The following EML4 variants were observed in gnomAD, a reference collection of about 807,000 sequenced individuals.
The protein encoded by EML4 is EMAP like 4.
EML4 carries 72 observed loss-of-function variants against 129.0 expected under a neutral mutation model. The observed-to-expected ratio is 0.56, with a 90% CI of 0.46 to 0.68. The LOEUF (loss-of-function observed/expected upper bound fraction) is 0.68. Among genes scored for constraint, EML4 ranks in the 30% least tolerant of loss-of-function variants. The pLI is 0.00. For synonymous variants in EML4, 532 were observed against 405.0 expected, an observed-to-expected ratio of 1.31 and a Z score of -3.77; for missense variants, 1,363 against 1,190.6, an observed-to-expected ratio of 1.14 and a Z score of -2.13.
At chr2:42,280,701 C>T (rs1447148539) in intron 6 of EML4, 149 bp from the exon 7 acceptor site, 3 of 609,706 alleles carry the variant, frequency 4.9e-6, no homozygotes, top group Non-Finnish European at 8.3e-6. Context: ...TACAGGACAA[C>T]TATATAACAA....
At chr2:42,203,001 C>A (rs1484615336) in intron 1 of EML4, among the ~76,000 whole-genome samples, 2 of 152,084 alleles carry the variant, frequency 1.3e-5, no homozygotes, top group Non-Finnish European at 2.9e-5. Context: ...GTACTCCAGC[C>A]TGGGTGACAA....
intron 21 of EML4, among the ~76,000 whole-genome samples, chr2:42,327,770 A>G (rs72972066): frequency 0.012 from 1,823 of 152,358 alleles, 44 homozygotes; most frequent in African/African-American, 0.041. Flanking sequence ...TGTTATGCTC[A>G]GGTAATTAAA....
At chr2:42,240,908 A>G (rs1351134393) in intron 1 of EML4, among the ~76,000 whole-genome samples, 1 of 152,170 alleles carries the variant, frequency 6.6e-6, no homozygotes, top group African/African-American at 2.4e-5. Context: ...TGGGAGGCCA[A>G]GGCAGGCAGA....
At chr2:42,245,085 A>ATTTTT (rs1409245105) in intron 1 of EML4, among the ~76,000 whole-genome samples, 1 of 42,146 alleles carries the variant, frequency 2.4e-5, no homozygotes, top group Non-Finnish European at 4.3e-5. Context: ...TTGTTTTGAA[A>ATTTTT]TTTTCTTTCT....
chr2:42,179,131 A>G (rs945051757), intron 1 of EML4, among the ~76,000 whole-genome samples: 2 of 152,330 alleles, frequency 1.3e-5, no homozygotes, highest in South Asian at 2.1e-4. Context: ...GTGTCTCTGC[A>G]TGTGATACCC....
chr2:42,265,320 G>C (rs1044719428), intron 6 of EML4, among the ~76,000 whole-genome samples: 4 of 152,210 alleles, frequency 2.6e-5, no homozygotes, highest in South Asian at 2.1e-4. Context: ...GGCCGGGCTG[G>C]CTGCAAACTC....
chr2:42,278,850 C>T (rs1044000383), intron 6 of EML4, among the ~76,000 whole-genome samples: 1 of 151,938 alleles, frequency 6.6e-6, no homozygotes, highest in Admixed American at 6.6e-5. Flanking sequence ...GCAGGAGAAT[C>T]ACTTGAACCC....
Position 42,256,544 on chromosome 2 carries a change from C to T in EML4, c.252C>T (p.Thr84=), listed in dbSNP as rs751385923. The change falls in exon 3 of 23, where the codon ACC becomes ACT. Residue 84 remains threonine (T), a synonymous_variant. Coordinates refer to ENST00000318522, the MANE Select transcript of EML4 (RefSeq NM_019063.5). ...PRAVIPMSCI[T]NGSGANRKPS... ...CAGTTATTCCCATGTCCTGTATAACCAATGGAAGTGGTGCAAACAGAAAAC... is the reference window on the plus strand; with the variant it reads ...CAGTTATTCCCATGTCCTGTATAACTAATGGAAGTGGTGCAAACAGAAAAC... The T allele has an allele frequency of 1.2e-6, 2 of 1,613,382 alleles. No homozygotes were observed. The highest frequency in any genetic ancestry group is 3.3e-5 in the Admixed American group (2 of 59,968).
rs200267566 is a variant in EML4 at position 42,303,115 on chromosome 2, G to T, written c.1653G>T (p.Gln551His). The T allele has an allele frequency of 1.2e-6, 2 of 1,613,904 alleles. No individual in the cohort carries two copies. Among genetic ancestry groups the T allele is most frequent in the African/African-American group, 1.3e-5 (1 of 74,874 alleles). ...ACTTTTTTTTCTAGGTTCCTGATCA[G>T]TATGGCACAATCAGAGCTGTAGCAG... Reference protein sequence around the residue: ...NPEREIEVPDQYGTIRAVAEG... With the variant: ...NPEREIEVPDHYGTIRAVAEG... Residue 551 changes from glutamine (Q) to histidine (H), a missense_variant, in exon 15 of 23, where the codon CAG becomes CAT. Transcript: ENST00000318522.
At chr2:42,203,288 C>T (rs1005187039) in intron 1 of EML4, among the ~76,000 whole-genome samples, 2 of 152,152 alleles carry the variant, frequency 1.3e-5, no homozygotes, top group Non-Finnish European at 2.9e-5. Flanking sequence ...TTGGTTTTTT[C>T]CCCTCATGGT....
chr2:42,321,782 C>T (rs1185718767), intron 19 of EML4, among the ~76,000 whole-genome samples: 2 of 152,100 alleles, frequency 1.3e-5, no homozygotes, highest in African/African-American at 4.8e-5. Context: ...CACTTTTCCT[C>T]AAACCAGCAA....
At chr2:42,206,908 T>C (rs951582239) in intron 1 of EML4, among the ~76,000 whole-genome samples, 1 of 152,216 alleles carries the variant, frequency 6.6e-6, no homozygotes, top group Non-Finnish European at 1.5e-5. Flanking sequence ...TTACCTCTCT[T>C]TAGCTAATTT....
intron 1 of EML4, among the ~76,000 whole-genome samples, chr2:42,189,441 G>A (rs1328713727): frequency 6.6e-6 from 1 of 152,176 alleles, no homozygotes; most frequent in Non-Finnish European, 1.5e-5. Flanking sequence ...TGAGCCAGGC[G>A]TGGTAGTGCA....
chr2:42,312,634 A>G (rs1321644761), intron 17 of EML4, among the ~76,000 whole-genome samples: 1 of 151,368 alleles, frequency 6.6e-6, no homozygotes, highest in Non-Finnish European at 1.5e-5. Flanking sequence ...GCTCACTGCA[A>G]CCTCCACCTC....
intron 18 of EML4, 145 bp from the exon 19 acceptor site, chr2:42,317,282 A>C (rs1300575717): frequency 5.2e-6 from 3 of 579,392 alleles, no homozygotes; most frequent in Admixed American, 3.4e-5. Flanking sequence ...TTATTTTTCA[A>C]ATGTACTTAG....
chr2:42,323,501 C>A (rs1180013106), intron 19 of EML4, among the ~76,000 whole-genome samples: 1 of 152,158 alleles, frequency 6.6e-6, no homozygotes, highest in Non-Finnish European at 1.5e-5. Flanking sequence ...TCCCATACAG[C>A]ACTATGGTGG....
intron 1 of EML4, among the ~76,000 whole-genome samples, chr2:42,174,625 C>A (rs1670485612): frequency 6.6e-6 from 1 of 152,066 alleles, no homozygotes; most frequent in South Asian, 2.1e-4. Flanking sequence ...TATATGATCT[C>A]TTGTCCTTTA....
intron 11 of EML4, among the ~76,000 whole-genome samples, chr2:42,291,558 C>T (rs926567602): frequency 6.6e-6 from 1 of 152,020 alleles, no homozygotes; most frequent in African/African-American, 2.4e-5. Context: ...CGTGTGCCAC[C>T]ATGCCCAGCT....
intron 19 of EML4, 170 bp from the exon 20 acceptor site, chr2:42,325,297 A>C (rs1411936294): frequency 1.6e-6 from 1 of 634,802 alleles, no homozygotes; most frequent in East Asian, 3.5e-5. Context: ...CCAGGTTTCA[A>C]GTGCTGAGGA....
Sources: allele counts gnomAD v4.1 joint callset (sites outside exome capture counted in the v4.1 genomes callset), GRCh38; gene constraint gnomAD v4.1.1; transcripts MANE v1.5; gene names NCBI Gene and HGNC (gene_info 2026-07-23, HGNC 2026-07-21).